The following TRDN variants were observed in gnomAD, a reference collection of about 807,000 sequenced individuals.
TRDN encodes the protein triadin in skeletal muscle.
In TRDN, 161 loss-of-function variants were observed where a neutral mutation model predicts 149.7. The ratio of observed to expected loss-of-function variants is 1.08; its 90% CI spans 0.95 to 1.23. The LOEUF (loss-of-function observed/expected upper bound fraction) is 1.23. Among genes scored for constraint, TRDN ranks in the 50% most tolerant of loss-of-function variants. The pLI, the probability that TRDN is intolerant of heterozygous loss-of-function variation, is 0.00. For missense variants in TRDN, 896 were observed against 823.5 expected, an observed-to-expected ratio of 1.09 and a Z score of -1.08; for synonymous variants, 294 against 250.5, an observed-to-expected ratio of 1.17 and a Z score of -1.64.
chr6:123,636,744 G>A lies in TRDN; in HGVS notation c.22+10C>T, dbSNP rs1786342998. 6.2e-7 allele frequency: 1 copy of A among 1,611,252 alleles called. No homozygotes were observed. Among genetic ancestry groups the A allele is most frequent in the East Asian group, 2.2e-5 (1 of 44,718 alleles). ...CCTTACTTGATACTATCGGAAAATG[G>A]TAGCAATACCTTCAGCAGTGATCTC... On this transcript the variant is annotated intron_variant, in intron 1 of 40. Transcript: ENST00000334268.
intron 1 of TRDN, among the ~76,000 whole-genome samples, chr6:123,589,479 C>T (rs1783678099): frequency 6.6e-6 from 1 of 152,174 alleles, no homozygotes; most frequent in South Asian, 2.1e-4. Flanking sequence ...CATGCCATTT[C>T]AATTTGGAAA....
intron 9 of TRDN, among the ~76,000 whole-genome samples, chr6:123,486,109 T>C (rs770755640): frequency 5.3e-5 from 8 of 152,088 alleles, no homozygotes; most frequent in Non-Finnish European, 1.0e-4. Context: ...ACAAGTGCAG[T>C]TCCAACAGAG....
intron 1 of TRDN, among the ~76,000 whole-genome samples, chr6:123,622,956 C>G (rs1470028718): frequency 1.3e-5 from 2 of 151,996 alleles, no homozygotes; most frequent in African/African-American, 4.8e-5. Context: ...AAAACTCTAT[C>G]GGGCAATTTT....
At chr6:123,587,630 C>T (rs538892655) in intron 1 of TRDN, among the ~76,000 whole-genome samples, 2 of 152,186 alleles carry the variant, frequency 1.3e-5, no homozygotes, top group South Asian at 4.2e-4. Flanking sequence ...TGTGAAGAGA[C>T]CACCAACAGG....
rs185451899 is a variant in TRDN, at chr6:123,438,196, C to G, written c.992-74G>C. ...AATATTTCAGGGCATGCATGACTAC[C>G]AGTGAGGCATCTAATTTATCTTGTA... On this transcript the variant is annotated intron_variant, in intron 11 of 40. Coordinates refer to ENST00000334268, the MANE Select transcript of TRDN (RefSeq NM_006073.4). 109 of 1,015,248 alleles carry G rather than the reference C, an allele frequency of 1.1e-4. 1 individual carries two copies. In the African/African-American group the frequency reaches 1.6e-3, roughly 15 times the overall value. 62.9% of individuals were successfully genotyped at this position (1,015,248 alleles called of 1,614,324 possible). A position where few individuals can be genotyped will look rare whatever the true frequency, so the allele number is the denominator to read the frequency against.
chr6:123,375,711 T>C, intron 18 of TRDN, 80 bp from the exon 19 acceptor site: 1 of 1,150,196 alleles, frequency 8.7e-7, no homozygotes, highest in Non-Finnish European at 1.2e-6. Flanking sequence ...TAAGGTTATC[T>C]TAATTGTTTA....
chr6:123,625,951 A>C (rs1785641031), intron 1 of TRDN, among the ~76,000 whole-genome samples: 1 of 152,172 alleles, frequency 6.6e-6, no homozygotes, highest in Non-Finnish European at 1.5e-5. Flanking sequence ...GATGGACTCC[A>C]CATTTCATGA....
chr6:123,586,348 G>A (rs987960004), intron 1 of TRDN, among the ~76,000 whole-genome samples: 2 of 151,850 alleles, frequency 1.3e-5, no homozygotes, highest in East Asian at 2.0e-4. Flanking sequence ...GGCGAGGAGG[G>A]GAGAGGTCAG....
At chr6:123,223,135 C>T (rs772902738) in intron 39 of TRDN, among the ~76,000 whole-genome samples, 1 of 151,750 alleles carries the variant, frequency 6.6e-6, no homozygotes, top group Admixed American at 6.6e-5. Context: ...ACCCAGCAAT[C>T]CCATTGCTGG....
At chr6:123,342,880 A>G (rs1162903046) in intron 21 of TRDN, among the ~76,000 whole-genome samples, 2 of 152,074 alleles carry the variant, frequency 1.3e-5, no homozygotes, top group Non-Finnish European at 2.9e-5. Flanking sequence ...ATATGTCTGA[A>G]GCAGGGACTA....
chr6:123,632,624 G>T (rs577085675), intron 1 of TRDN, among the ~76,000 whole-genome samples: 1 of 152,010 alleles, frequency 6.6e-6, no homozygotes, highest in East Asian at 1.9e-4. Flanking sequence ...GTGGTATGTT[G>T]CTTTATCAGG....
intron 24 of TRDN, among the ~76,000 whole-genome samples, chr6:123,310,952 T>A (rs1030427620): frequency 5.3e-5 from 8 of 151,932 alleles, no homozygotes; most frequent in African/African-American, 1.7e-4. Context: ...ACTGACTTTA[T>A]CTAGAAATAT....
chr6:123,561,752 C>G (rs937459023), intron 2 of TRDN, among the ~76,000 whole-genome samples: 15 of 152,198 alleles, frequency 9.9e-5, no homozygotes, highest in Non-Finnish European at 1.8e-4. Flanking sequence ...CAATATCACC[C>G]CTTACCACAG....
chr6:123,607,774 A>G (rs1784587748), intron 1 of TRDN, among the ~76,000 whole-genome samples: 1 of 151,964 alleles, frequency 6.6e-6, no homozygotes, highest in Non-Finnish European at 1.5e-5. Context: ...AAGCTATTTC[A>G]TGGCTTCACA....
intron 10 of TRDN, among the ~76,000 whole-genome samples, chr6:123,444,838 G>A (rs1037975937): frequency 9.2e-5 from 14 of 152,134 alleles, no homozygotes; most frequent in African/African-American, 9.7e-5. Context: ...ATTTGCGTAT[G>A]TTGAACCAGC....
Position 123,602,930 on chromosome 6 carries a change from A to AT in TRDN, c.23-31799dup, listed in dbSNP as rs1319005017. ...CTATTACTTCAGCCAAAGGACAGTT[A>AT]TTTAAAAAAAAATCAGTATGTGATT... is the stretch of plus-strand genomic sequence containing the variant. On this transcript the variant is annotated intron_variant, in intron 1 of 40. Coordinates refer to ENST00000334268, the MANE Select transcript of TRDN (RefSeq NM_006073.4). Among the ~76,000 whole-genome samples, 5 of 150,612 alleles carry AT rather than the reference A, an allele frequency of 3.3e-5. No individual in the cohort carries two copies. In the South Asian group the frequency reaches 6.2e-4, roughly 19 times the overall value.
In TRDN at chr6:123,370,817, T is replaced by TA. The variant is rs536115293; in HGVS notation, c.1274-4636dup. Among the ~76,000 whole-genome samples the TA allele has an allele frequency of 2.1e-4, 32 of 152,220 alleles. No homozygotes were observed. The East Asian group carries it at 5.8e-3, about 28-fold the overall frequency. The stretch of plus-strand genomic sequence containing the variant: ...TACTTAGAGGTTGAACATCTTTTGA[T>TA]ACGTTTATAGAACATTTGCATTTTT... On this transcript the variant is annotated intron_variant, in intron 19 of 40. Coordinates refer to ENST00000334268, the MANE Select transcript of TRDN (RefSeq NM_006073.4).
chr6:123,222,552 A>G (rs1457941425), intron 39 of TRDN, among the ~76,000 whole-genome samples: 2 of 151,610 alleles, frequency 1.3e-5, no homozygotes, highest in African/African-American at 4.8e-5. Flanking sequence ...GTAAATCTCA[A>G]CTTTTATTTG....
At chr6:123,321,430 G>A (rs186751118) in intron 23 of TRDN, among the ~76,000 whole-genome samples, 69 of 151,978 alleles carry the variant, frequency 4.5e-4, no homozygotes, top group African/African-American at 1.4e-3. Context: ...CCAAACCCAT[G>A]GTTTTTCCAT....
Sources: allele counts gnomAD v4.1 joint callset (sites outside exome capture counted in the v4.1 genomes callset), GRCh38; gene constraint gnomAD v4.1.1; transcripts MANE v1.5; gene names NCBI Gene and HGNC (gene_info 2026-07-23, HGNC 2026-07-21).